The following FNDC3A variants were observed in gnomAD, a reference collection of about 807,000 sequenced individuals.
The protein encoded by FNDC3A is fibronectin type-III domain-containing protein 3A.
In FNDC3A, 32 loss-of-function variants were observed where a neutral mutation model predicts 148.9. The ratio of observed to expected loss-of-function variants is 0.21; its 90% CI spans 0.16 to 0.29. The LOEUF is 0.29. Among genes scored for constraint, FNDC3A ranks in the 10% least tolerant of loss-of-function variants. The pLI is 1.00. For missense variants in FNDC3A, 1,191 were observed against 1,452.8 expected (o/e 0.82, Z 2.93); for synonymous variants, 472 against 473.6 (o/e 1.00, Z 0.04).
chr13:49,000,462 C>T (rs938549563), intron 1 of FNDC3A, among the ~76,000 whole-genome samples: 2 of 152,192 alleles, frequency 1.3e-5, no homozygotes, highest in African/African-American at 4.8e-5. Flanking sequence ...GCCAGTACCA[C>T]ACTGTTTTGA....
intron 4 of FNDC3A, among the ~76,000 whole-genome samples, chr13:49,119,391 G>C (rs757375663): frequency 2.3e-4 from 35 of 152,112 alleles, no homozygotes; most frequent in African/African-American, 8.5e-4. Flanking sequence ...ATGAAGATGA[G>C]GAAAAACCAG....
In FNDC3A at chr13:49,072,814, TG is replaced by T. The variant is rs1362008320; in HGVS notation, c.100-2474del. On this transcript the variant is annotated intron_variant, in intron 2 of 25. Transcript: ENST00000492622. ...TACTGATTTTTGTATGTTGATTTTG[TG>T]TCCTACACCTTTACTAAATTTGTTT... Among the ~76,000 whole-genome samples, 6 of 151,778 alleles carry T rather than the reference TG, an allele frequency of 4.0e-5. No homozygotes were observed. In the South Asian group the frequency reaches 6.3e-4, roughly 16 times the overall value.
chr13:49,175,444 C>T lies in FNDC3A; in HGVS notation c.1433C>T (p.Ala478Val). 6.2e-7 allele frequency: 1 copy of T among 1,611,732 alleles called. No homozygotes were observed. The highest frequency in any genetic ancestry group is 8.5e-7 in the Non-Finnish European group (1 of 1,178,034). The change falls in exon 13 of 26, where the codon GCT (alanine) becomes GTT (valine). Residue 478 changes from alanine to valine, a missense_variant. Coordinates refer to ENST00000492622, the MANE Select transcript of FNDC3A (RefSeq NM_001079673.2). ...CCAGCAAGTCCTGTATTAACCAAGG[C>T]TGGAATTACTTGGTTATCCTTACAA... ...SMPASPVLTKAGITWLSLQWS... is the reference protein window; with the variant it reads ...SMPASPVLTKVGITWLSLQWS...
intron 2 of FNDC3A, among the ~76,000 whole-genome samples, chr13:49,033,853 T>G (rs1874305174): frequency 6.6e-6 from 1 of 152,034 alleles, no homozygotes; most frequent in African/African-American, 2.4e-5. Context: ...AGTTTTAGAG[T>G]AAACTTAAAA....
At chr13:49,106,386 C>T (rs759218826) in intron 3 of FNDC3A, among the ~76,000 whole-genome samples, 9 of 152,004 alleles carry the variant, frequency 5.9e-5, no homozygotes, top group African/African-American at 9.7e-5. Context: ...GATCACAGCT[C>T]GCTGTTATCT....
rs554817548 is a variant in FNDC3A at position 49,013,252 on chromosome 13, C to T, written c.99+6963C>T. Among the ~76,000 whole-genome samples the T allele has an allele frequency of 4.6e-4, 70 of 152,198 alleles. 1 individual carries two copies. The South Asian group carries it at 6.6e-3, about 14-fold the overall frequency. ...ATCACTTGAGCCTGGGGGGTTGAGT[C>T]TGCAATAAGCTGTGATTATGCAACT... is the stretch of plus-strand genomic sequence containing the variant. On this transcript the variant is annotated intron_variant, in intron 2 of 25. Transcript: ENST00000492622.
At chr13:49,023,011 G>A (rs920491368) in intron 2 of FNDC3A, among the ~76,000 whole-genome samples, 5 of 151,856 alleles carry the variant, frequency 3.3e-5, no homozygotes, top group Admixed American at 6.6e-5. Context: ...AGGTTGTCCT[G>A]GAAAAAAATT....
chr13:49,168,659 G>A lies in FNDC3A; in HGVS notation c.1084G>A (p.Glu362Lys), dbSNP rs762214117. The A allele has an allele frequency of 6.2e-7, 1 of 1,612,472 alleles. No homozygotes were observed. Among genetic ancestry groups the A allele is most frequent in the Non-Finnish European group, 8.5e-7 (1 of 1,178,610 alleles). The change falls in exon 10 of 26, where the codon GAA becomes AAA. Residue 362 changes from glutamate (E) to lysine (K), a missense_variant. Glu to Lys is a moderately conservative substitution (Grantham distance 56). Transcript: ENST00000492622. ...TATAAAGGGAACTCCTTCAGAGGCT[G>A]AAATCTTTACCACCTTGAGCTGTGA... ...NSIKGTPSEA[E>K]IFTTLSCEPD... is the part of the protein sequence containing the mutation.
chr13:49,158,260 T>G (rs1238861015), intron 8 of FNDC3A, among the ~76,000 whole-genome samples: 1 of 152,154 alleles, frequency 6.6e-6, no homozygotes, highest in African/African-American at 2.4e-5. Flanking sequence ...AAGCGCAATA[T>G]TCGGGAGGGA....
chr13:49,099,183 A>G (rs1879710831), intron 3 of FNDC3A, among the ~76,000 whole-genome samples: 1 of 152,270 alleles, frequency 6.6e-6, no homozygotes, highest in African/African-American at 2.4e-5. Context: ...GTAGTTCATT[A>G]AAATAAGTTG....
rs1470979989 is a variant in FNDC3A, at chr13:49,136,479, C to T, written c.638C>T (p.Ser213Phe). The change falls in exon 6 of 26, where the codon TCT becomes TTT. Residue 213 changes from serine to phenylalanine, a missense_variant. Ser to Phe is a radical substitution (Grantham distance 155). Transcript: ENST00000492622. ...CCATCATCACCCCAGAAATGCCCTTCTCCCATTAATGAACATAATGGACTT... is the reference window on the plus strand; with the variant it reads ...CCATCATCACCCCAGAAATGCCCTTTTCCCATTAATGAACATAATGGACTT... ...SPPSSPQKCPSPINEHNGLIK... is the reference protein window; with the variant it reads ...SPPSSPQKCPFPINEHNGLIK... 6.2e-7 allele frequency: 1 copy of T among 1,614,076 alleles called. No homozygotes were observed. Among genetic ancestry groups the T allele is most frequent in the South Asian group, 1.1e-5 (1 of 91,086 alleles).
At chr13:49,059,697 TCCTC>T (rs1029731466) in intron 2 of FNDC3A, among the ~76,000 whole-genome samples, 6 of 152,130 alleles carry the variant, frequency 3.9e-5, no homozygotes, top group South Asian at 2.1e-4. Context: ...CCTCAAGCGA[TCCTC>T]CCACCTCAGC....
chr13:49,148,074 G>C (rs1883091290), intron 8 of FNDC3A, among the ~76,000 whole-genome samples: 1 of 152,022 alleles, frequency 6.6e-6, no homozygotes, highest in Non-Finnish European at 1.5e-5. Flanking sequence ...GGGATTATTT[G>C]TGTTTTTCCT....
intron 3 of FNDC3A, among the ~76,000 whole-genome samples, chr13:49,088,298 C>G (rs1236958281): frequency 6.6e-6 from 1 of 152,068 alleles, no homozygotes; most frequent in Non-Finnish European, 1.5e-5. Context: ...GTGTGTTTTT[C>G]CTCAAAATAT....
intron 2 of FNDC3A, among the ~76,000 whole-genome samples, chr13:49,012,127 T>C (rs960805348): frequency 6.6e-6 from 1 of 152,140 alleles, no homozygotes. Flanking sequence ...TATGGATTTT[T>C]TTTTTTGAGA....
intron 2 of FNDC3A, among the ~76,000 whole-genome samples, chr13:49,036,966 C>G (rs1874535657): frequency 1.3e-5 from 2 of 152,086 alleles, no homozygotes; most frequent in Non-Finnish European, 2.9e-5. Flanking sequence ...GAACACTACA[C>G]TGAAAGGAGT....
chr13:49,032,799 GGTA>G (rs1415243524), intron 2 of FNDC3A, among the ~76,000 whole-genome samples: 1 of 151,966 alleles, frequency 6.6e-6, no homozygotes, highest in Non-Finnish European at 1.5e-5. Flanking sequence ...AATTTACTGT[GGTA>G]GTGATTGTAC....
rs1037732388 is a variant in FNDC3A at position 48,976,082 on chromosome 13, C to G, written c.-135C>G. On this transcript the variant is annotated 5_prime_UTR_variant, in exon 1 of 26. Coordinates refer to ENST00000492622, the MANE Select transcript of FNDC3A (RefSeq NM_001079673.2). ...CCGGCGGCCGCGGCGGCCCTGAGAGCTGACTCTGCAGCTGAGGTAGAGAGA... is the reference window on the plus strand; with the variant it reads ...CCGGCGGCCGCGGCGGCCCTGAGAGGTGACTCTGCAGCTGAGGTAGAGAGA... 1.3e-5 allele frequency: 2 copies of G among 152,548 alleles called. No homozygotes were observed. The highest frequency in any genetic ancestry group is 4.8e-5 in the African/African-American group (2 of 41,464). The allele number at this position is 152,548 out of a possible 1,614,324, so 9.4% of individuals were successfully genotyped here.
intron 3 of FNDC3A, among the ~76,000 whole-genome samples, chr13:49,089,319 C>T (rs933300820): frequency 6.6e-5 from 10 of 152,130 alleles, no homozygotes; most frequent in Admixed American, 6.5e-4. Context: ...CTAGGATGGC[C>T]CCCAGTGTTG....
Sources: allele counts gnomAD v4.1 joint callset (sites outside exome capture counted in the v4.1 genomes callset), GRCh38; gene constraint gnomAD v4.1.1; transcripts MANE v1.5; gene names NCBI Gene and HGNC (gene_info 2026-07-23, HGNC 2026-07-21).